Variants in EYS observed in about 807,000 individuals in gnomAD.
EYS encodes the protein protein eyes shut homolog.
In EYS, 250 loss-of-function variants were observed where a neutral mutation model predicts 282.1. The ratio of observed to expected loss-of-function variants is 0.89; its 90% CI spans 0.80 to 0.98. The LOEUF is 0.98. Among genes scored for constraint, EYS ranks in the 50% least tolerant of loss-of-function variants. The probability of loss-of-function intolerance (pLI) is 0.00; values close to 1 mark genes in which losing one functional copy is unlikely to be tolerated. For synonymous variants in EYS, 1,355 were observed against 1,282.9 expected, an observed-to-expected ratio of 1.06 and a Z score of -1.20; for missense variants, 4,016 against 3,709.0, an observed-to-expected ratio of 1.08 and a Z score of -2.15.
chr6:65,494,174 A>C (rs1337156580), intron 4 of EYS, among the ~76,000 whole-genome samples: 1 of 152,108 alleles, frequency 6.6e-6, no homozygotes. Context: ...CTTATTTTGG[A>C]GGATCCCTGA....
At chr6:65,606,923 T>C (rs904523109) in intron 2 of EYS, among the ~76,000 whole-genome samples, 1 of 151,574 alleles carries the variant, frequency 6.6e-6, no homozygotes, top group Non-Finnish European at 1.5e-5. Context: ...GTTATTTTAA[T>C]GAATGAAGAA....
chr6:64,040,969 T>C (rs532060284), intron 33 of EYS, among the ~76,000 whole-genome samples: 1 of 152,316 alleles, frequency 6.6e-6, no homozygotes, highest in South Asian at 2.1e-4. Flanking sequence ...TTTTGGTTCA[T>C]AGAAAAGAAA....
chr6:64,696,703 G>A (rs1770593641), intron 22 of EYS, among the ~76,000 whole-genome samples: 1 of 152,004 alleles, frequency 6.6e-6, no homozygotes, highest in Non-Finnish European at 1.5e-5. Flanking sequence ...TTTTCAAAGT[G>A]CTTAAAGAAA....
intron 19 of EYS, among the ~76,000 whole-genome samples, chr6:64,886,140 T>C (rs1767078245): frequency 6.6e-6 from 1 of 151,950 alleles, no homozygotes; most frequent in Admixed American, 6.6e-5. Flanking sequence ...CTATTTGTAT[T>C]TTGTAAATGC....
Position 64,912,558 on chromosome 6 carries a change from A to G in EYS, c.2567T>C (p.Leu856Pro). The change falls in exon 16 of 43, where the codon CTT (leucine) becomes CCT (proline). Residue 856 changes from leucine (L) to proline (P), a missense_variant. Leu to Pro is a moderately conservative substitution (Grantham distance 98). Coordinates refer to ENST00000503581, the MANE Select transcript of EYS (RefSeq NM_001142800.2). ...CHQRYNLCDL[L>P]HNPCRNNSTC... ...TGAGTTGTTTCTGCAAGGGTTATGA[A>G]GTAGGTCACAAAGGTTATAGCGTTG... is the stretch of plus-strand genomic sequence containing the variant. 1 of 1,551,324 alleles carries G rather than the reference A, an allele frequency of 6.4e-7. No homozygotes were observed. Among genetic ancestry groups the G allele is most frequent in the Non-Finnish European group, 8.7e-7 (1 of 1,146,666 alleles).
At chr6:64,391,454 G>C (rs1166377263) in intron 28 of EYS, among the ~76,000 whole-genome samples, 2 of 152,056 alleles carry the variant, frequency 1.3e-5, no homozygotes, top group African/African-American at 2.4e-5. Context: ...AGCCAGAAGA[G>C]AGTGGGGGCC....
intron 12 of EYS, among the ~76,000 whole-genome samples, chr6:65,077,557 A>G (rs1044737110): frequency 2.0e-5 from 3 of 152,044 alleles, no homozygotes; most frequent in Non-Finnish European, 4.4e-5. Flanking sequence ...GAAACGCTCA[A>G]ACAGAATTAC....
chr6:64,646,175 C>T (rs953269477), intron 22 of EYS, among the ~76,000 whole-genome samples: 5 of 152,126 alleles, frequency 3.3e-5, no homozygotes, highest in African/African-American at 1.2e-4. Context: ...CCAACCCAGT[C>T]GTGGAAGCAT....
At position 64,511,081 on chromosome 6, in the gene EYS, T is replaced by G. The variant is rs530071083; in HGVS notation, c.5645-71729A>C. 9.7e-4 allele frequency among the ~76,000 whole-genome samples: 146 copies of G among 150,862 alleles called. No homozygotes were observed. The Middle Eastern group carries it at 0.017, about 18-fold the overall frequency. Reference sequence around the variant, plus strand: ...GTTGATTTCAAAGATCTGAACTATATTATATAGTAGGCAAAGATTTCTTTA... The same window carrying G: ...GTTGATTTCAAAGATCTGAACTATAGTATATAGTAGGCAAAGATTTCTTTA... On this transcript the variant is annotated intron_variant, in intron 26 of 42. Coordinates refer to ENST00000503581, the MANE Select transcript of EYS (RefSeq NM_001142800.2).
At chr6:64,727,947 T>A (rs76920147) in intron 22 of EYS, among the ~76,000 whole-genome samples, 1 of 152,160 alleles carries the variant, frequency 6.6e-6, no homozygotes, top group Non-Finnish European at 1.5e-5. Context: ...GAAGATACAA[T>A]TGAAACCACT....
chr6:64,187,191 C>A (rs1388253391), intron 31 of EYS, among the ~76,000 whole-genome samples: 1 of 152,196 alleles, frequency 6.6e-6, no homozygotes, highest in Admixed American at 6.6e-5. Flanking sequence ...GTACTTGGTG[C>A]TTTTTATCTC....
chr6:65,524,492 C>T (rs1271966418), intron 2 of EYS, among the ~76,000 whole-genome samples: 2 of 152,128 alleles, frequency 1.3e-5, no homozygotes, highest in Non-Finnish European at 2.9e-5. Context: ...ATACATGAAG[C>T]ATATACAGCC....
intron 12 of EYS, among the ~76,000 whole-genome samples, chr6:65,089,063 C>A (rs750176220): frequency 1.6e-4 from 24 of 152,126 alleles, no homozygotes; most frequent in Non-Finnish European, 3.2e-4. Context: ...GCCTAGATGT[C>A]CAGGCAGAAG....
At chr6:64,093,263 T>G (rs1467471710) in intron 31 of EYS, among the ~76,000 whole-genome samples, 2 of 152,194 alleles carry the variant, frequency 1.3e-5, no homozygotes, top group East Asian at 1.9e-4. Context: ...ATATGAACTT[T>G]AAAGTAGTTT....
At chr6:65,024,446 G>T (rs752352128) in intron 13 of EYS, among the ~76,000 whole-genome samples, 1 of 152,182 alleles carries the variant, frequency 6.6e-6, no homozygotes, top group South Asian at 2.1e-4. Flanking sequence ...GGGGAGCCAG[G>T]CTTCTGTCCA....
intron 11 of EYS, among the ~76,000 whole-genome samples, chr6:65,316,971 T>A (rs1365074784): frequency 6.6e-6 from 1 of 152,184 alleles, no homozygotes; most frequent in East Asian, 1.9e-4. Context: ...TGAACCAGCA[T>A]CATTTGTTGA....
At chr6:64,435,438 C>CTTTTTTTTTTTT (rs71551587) in intron 28 of EYS, among the ~76,000 whole-genome samples, 1 of 135,224 alleles carries the variant, frequency 7.4e-6, no homozygotes. Context: ...CTTCTTCTTC[C>CTTTTTTTTTTTT]TTTTTTTTTT....
At chr6:64,122,882 A>G (rs1773636156) in intron 31 of EYS, among the ~76,000 whole-genome samples, 1 of 152,038 alleles carries the variant, frequency 6.6e-6, no homozygotes, top group Non-Finnish European at 1.5e-5. Flanking sequence ...ATAATAAATG[A>G]CCCAGGATAA....
chr6:64,649,812 T>A (rs1768491647), intron 22 of EYS, among the ~76,000 whole-genome samples: 2 of 152,218 alleles, frequency 1.3e-5, no homozygotes, highest in African/African-American at 4.8e-5. Context: ...AACAAAAAAT[T>A]AGGATTTTTA....
Sources: allele counts gnomAD v4.1 joint callset (sites outside exome capture counted in the v4.1 genomes callset), GRCh38; gene constraint gnomAD v4.1.1; transcripts MANE v1.5; gene names NCBI Gene and HGNC (gene_info 2026-07-23, HGNC 2026-07-21).